LTN1: variants seen among roughly 807,000 people sequenced by gnomAD.
The protein encoded by LTN1 is E3 ubiquitin-protein ligase listerin.
A neutral mutation model predicts 201.2 loss-of-function variants in LTN1; 88 were observed. The ratio of observed to expected loss-of-function variants is 0.44; its 90% confidence interval spans 0.37 to 0.52. The LOEUF (loss-of-function observed/expected upper bound fraction) is 0.52, where lower values mean the gene tolerates loss of function less well. Ranked by LOEUF, LTN1 falls within the 20% of genes least tolerant of loss-of-function variation. The probability of loss-of-function intolerance (pLI) is 0.00; values close to 1 mark genes in which losing one functional copy is unlikely to be tolerated. For missense variants in LTN1, 1,752 were observed against 2,038.7 expected, an observed-to-expected ratio of 0.86 and a Z score of 2.71; for synonymous variants, 645 against 713.5, an observed-to-expected ratio of 0.90 and a Z score of 1.53.
chr21:28,948,295 A>C (rs1601175231), intron 18 of LTN1, among the ~76,000 whole-genome samples: 1 of 101,070 alleles, frequency 9.9e-6, no homozygotes, highest in African/African-American at 3.9e-5. Context: ...TTTGAGACGG[A>C]GTTTCACTCT....
In LTN1 at chr21:28,928,954, G is replaced by C. The variant is rs2084190003; in HGVS notation, c.*1494C>G. ...AAAGATAGAGAATATTTTAAGAAAAGGGTTAACGAGGTAGTAAAATTTTGC... is the reference window on the plus strand; with the variant it reads ...AAAGATAGAGAATATTTTAAGAAAACGGTTAACGAGGTAGTAAAATTTTGC... On this transcript the variant is annotated 3_prime_UTR_variant, in exon 30 of 30. Coordinates refer to ENST00000361371, the MANE Select transcript of LTN1 (RefSeq NM_015565.3). 1 of 152,484 alleles carries C rather than the reference G, an allele frequency of 6.6e-6. No individual in the cohort carries two copies. Among genetic ancestry groups the C allele is most frequent in the Non-Finnish European group, 1.5e-5 (1 of 67,986 alleles). The allele number at this position is 152,484 out of a possible 1,614,324, so 9.4% of individuals were successfully genotyped here.
At chr21:28,991,410 T>C (rs893766458) in intron 1 of LTN1, among the ~76,000 whole-genome samples, 13 of 152,316 alleles carry the variant, frequency 8.5e-5, no homozygotes, top group African/African-American at 2.2e-4. Context: ...CTATAACCAT[T>C]ATTATAATTG....
In LTN1 at chr21:28,936,563, T is replaced by C; in HGVS notation, c.4617A>G (p.Lys1539=). Residue 1539 remains lysine, a synonymous_variant, in exon 26 of 30, where the codon AAA becomes AAG. Coordinates refer to ENST00000361371, the MANE Select transcript of LTN1 (RefSeq NM_015565.3). Reference sequence around the variant, plus strand: ...GCTGGAGCTCCTCAGTAAAGAATGTTTTAGGGTCCTTATTTGGGACCTCAA... The same window carrying C: ...GCTGGAGCTCCTCAGTAAAGAATGTCTTAGGGTCCTTATTTGGGACCTCAA... ...TAVEVPNKDP[K]TFFTEELQLS... 1.2e-6 allele frequency: 2 copies of C among 1,613,910 alleles called. No homozygotes were observed. Among genetic ancestry groups the C allele is most frequent in the Non-Finnish European group, 1.7e-6 (2 of 1,179,880 alleles).
Position 28,970,610 on chromosome 21 carries a change from A to G in LTN1, c.1117T>C (p.Ser373Pro). The G allele has an allele frequency of 5.0e-6, 8 of 1,614,052 alleles. No individual in the cohort carries two copies. Among genetic ancestry groups the G allele is most frequent in the African/African-American group, 1.3e-5 (1 of 75,062 alleles). The change falls in exon 8 of 30, where the codon TCC (serine) becomes CCC (proline). Residue 373 changes from serine (S) to proline (P), a missense_variant. This residue lies in a region of LTN1 where 1,211 missense variants were observed against 1,312.8 expected (regional missense o/e 0.92). Transcript: ENST00000361371. ...AAATCCAACTTTGGATTTGTGATGGACTGAGGGAGCTTGCTGATGAATGGC... is the reference window on the plus strand; with the variant it reads ...AAATCCAACTTTGGATTTGTGATGGGCTGAGGGAGCTTGCTGATGAATGGC... Reference protein sequence around the residue: ...LLPFISKLPQSITNPKLDFFK... With the variant: ...LLPFISKLPQPITNPKLDFFK...
intron 1 of LTN1, among the ~76,000 whole-genome samples, chr21:28,992,197 G>A (rs1470364706): frequency 6.6e-6 from 1 of 152,164 alleles, no homozygotes; most frequent in Non-Finnish European, 1.5e-5. Flanking sequence ...GTTGGGAGCC[G>A]GCCAGGTAGT....
chr21:28,965,327 C>T (rs2084512464), intron 11 of LTN1, among the ~76,000 whole-genome samples: 1 of 152,146 alleles, frequency 6.6e-6, no homozygotes, highest in African/African-American at 2.4e-5. Flanking sequence ...GGAAAGAATA[C>T]TTAAGCCGTT....
rs146514192 is a variant in LTN1 at position 28,986,409 on chromosome 21, C to G, written c.247-172G>C. The G allele has an allele frequency of 1.5e-6, 1 of 684,754 alleles. No homozygotes were observed. The highest frequency in any genetic ancestry group is 1.8e-5 in the African/African-American group (1 of 56,122). 42.4% of individuals were successfully genotyped at this position (684,754 alleles called of 1,614,324 possible). A position where few individuals can be genotyped will look rare whatever the true frequency, so the allele number is the denominator to read the frequency against. On this transcript the variant is annotated intron_variant, in intron 2 of 29. Transcript: ENST00000361371. The surrounding 1 kb of genome is among the most constrained non-coding windows in gnomAD (Gnocchi z 4.1). ...TTCACAGGCTACTACGGTAGAAACT[C>G]TTCAGTTGTTTTTTTAAAAATAAAA...
In LTN1 at chr21:28,992,800, G is replaced by C. The variant is rs748944298; in HGVS notation, c.6C>G (p.Gly2=). The change falls in exon 1 of 30, where the codon GGC becomes GGG. Residue 2 remains glycine, a synonymous_variant. Transcript: ENST00000361371. ...CTTTAGTTCGCTGCTTGTTCTTCCC[G>C]CCCATGGTCGCGGTTGCAGCTGTAC... is the stretch of plus-strand genomic sequence containing the variant. M[G]GKNKQRTKGN... 1.1e-5 allele frequency: 18 copies of C among 1,614,020 alleles called. No homozygotes were observed. In the Admixed American group the frequency reaches 2.8e-4, roughly 25 times the overall value.
chr21:28,939,326 T>C (rs772066220), intron 25 of LTN1, among the ~76,000 whole-genome samples: 33 of 152,136 alleles, frequency 2.2e-4, no homozygotes, highest in Non-Finnish European at 5.9e-5. Context: ...CCAGCAGATA[T>C]CAAGGGATGA....
At chr21:28,974,186 T>A (rs1365459920) in intron 6 of LTN1, among the ~76,000 whole-genome samples, 1 of 152,006 alleles carries the variant, frequency 6.6e-6, no homozygotes, top group Non-Finnish European at 1.5e-5. Flanking sequence ...TCAATTAAGC[T>A]TCATCAAAAT....
intron 24 of LTN1, among the ~76,000 whole-genome samples, chr21:28,941,970 G>T (rs1308970335): frequency 1.3e-5 from 2 of 152,148 alleles, no homozygotes; most frequent in Admixed American, 6.5e-5. Context: ...TCACAACAAT[G>T]TAAGTTAATT....
At chr21:28,944,664 T>C (rs889768126) in intron 21 of LTN1, 68 bp from the exon 22 acceptor site, 77 of 1,093,578 alleles carry the variant, frequency 7.0e-5, no homozygotes, top group Non-Finnish European at 9.3e-5. Flanking sequence ...AAAGCCAATA[T>C]AAAGAAAAGC....
At chr21:28,990,925 C>T (rs914193630) in intron 1 of LTN1, among the ~76,000 whole-genome samples, 6 of 151,426 alleles carry the variant, frequency 4.0e-5, no homozygotes, top group East Asian at 3.8e-4. Context: ...GATGTTAAAA[C>T]GGTTTATCTT....
chr21:28,958,101 T>A (rs2084441443), intron 14 of LTN1, among the ~76,000 whole-genome samples: 1 of 152,110 alleles, frequency 6.6e-6, no homozygotes, highest in Non-Finnish European at 1.5e-5. Context: ...TTTGGAAAAA[T>A]TCGTTTGGGT....
rs948323587 is a variant in LTN1 at position 28,974,671 on chromosome 21, C to T, written c.811-3227G>A. 2.0e-5 allele frequency among the ~76,000 whole-genome samples: 3 copies of T among 152,074 alleles called. No homozygotes were observed. The East Asian group carries it at 5.8e-4, about 29-fold the overall frequency. On this transcript the variant is annotated intron_variant, in intron 6 of 29. Coordinates refer to ENST00000361371, the MANE Select transcript of LTN1 (RefSeq NM_015565.3). ...AGAAGGCCAGGATAATGCGGGATGA[C>T]GCAGGAGAGTGATGGGGGACTCTAG...
At chr21:28,988,525 CA>C (rs2084719170) in intron 1 of LTN1, among the ~76,000 whole-genome samples, 1 of 151,506 alleles carries the variant, frequency 6.6e-6, no homozygotes, top group Non-Finnish European at 1.5e-5. Context: ...ATTCATCTGA[CA>C]AGGAATAATC....
At chr21:28,943,489 T>C (rs2084313201) in intron 23 of LTN1, among the ~76,000 whole-genome samples, 153 bp from the exon 24 acceptor site, 2 of 152,204 alleles carry the variant, frequency 1.3e-5, no homozygotes, top group Admixed American at 6.5e-5. Context: ...TATTGAAATA[T>C]AAATTGTGTA....
At position 28,986,025 on chromosome 21, in the gene LTN1, T is replaced by C. The variant is rs1224188155; in HGVS notation, c.345+114A>G. ...AACAATTCAATCTGCATAACAATGC[T>C]GACATAACATTTAATAACCCTCACC... On this transcript the variant is annotated intron_variant, in intron 3 of 29. Coordinates refer to ENST00000361371, the MANE Select transcript of LTN1 (RefSeq NM_015565.3). The surrounding 1 kb of genome is among the most constrained non-coding windows in gnomAD (Gnocchi z 4.1). 6.2e-6 allele frequency: 4 copies of C among 649,350 alleles called. No homozygotes were observed. Among genetic ancestry groups the C allele is most frequent in the Admixed American group, 2.5e-5 (1 of 39,928 alleles). 40.2% of individuals were successfully genotyped at this position (649,350 alleles called of 1,614,324 possible).
chr21:28,944,248 G>T, intron 22 of LTN1, 135 bp downstream of exon 22: 1 of 686,504 alleles, frequency 1.5e-6, no homozygotes, highest in Non-Finnish European at 2.5e-6. Flanking sequence ...CTTCTGAGAA[G>T]CCAAGCTTTC....
Sources: gnomAD v4.1 joint callset for allele counts (sites outside exome capture counted in the v4.1 genomes callset) on GRCh38, gnomAD v4.1.1 for gene constraint, gnomAD v4.1.1 regional missense constraint, Gnocchi (gnomAD v3.1) non-coding constraint, MANE v1.5 for transcripts, NCBI Gene and HGNC (gene_info 2026-07-23, HGNC 2026-07-21) for gene names.